PIK3R4: variants seen among roughly 807,000 people sequenced by gnomAD.
The protein encoded by PIK3R4 is phosphoinositide 3-kinase regulatory subunit 4.
A neutral mutation model predicts 136.5 loss-of-function variants in PIK3R4; 46 were observed. The observed-to-expected ratio is 0.34, with a 90% CI of 0.27 to 0.43. PIK3R4 has a LOEUF of 0.43. Ranked by LOEUF, PIK3R4 falls within the 20% of genes least tolerant of loss-of-function variation. The pLI, the probability that PIK3R4 is intolerant of heterozygous loss-of-function variation, is 1.00. For synonymous variants in PIK3R4, 557 were observed against 566.7 expected, an observed-to-expected ratio of 0.98 and a Z score of 0.24; for missense variants, 1,331 against 1,649.5, an observed-to-expected ratio of 0.81 and a Z score of 3.35.
At chr3:130,700,916 A>T (rs1559822749) in intron 13 of PIK3R4, among the ~76,000 whole-genome samples, 1 of 152,226 alleles carries the variant, frequency 6.6e-6, no homozygotes, top group African/African-American at 2.4e-5. Flanking sequence ...GCAAAGCAAA[A>T]GAGTAACTGC....
chr3:130,720,721 G>C (rs965361142), intron 7 of PIK3R4, among the ~76,000 whole-genome samples: 40 of 152,190 alleles, frequency 2.6e-4, no homozygotes, highest in African/African-American at 9.2e-4. Flanking sequence ...CCATTACAAA[G>C]GAATCCAGGT....
At chr3:130,699,776 T>C (rs982781522) in intron 13 of PIK3R4, among the ~76,000 whole-genome samples, 3 of 152,240 alleles carry the variant, frequency 2.0e-5, no homozygotes, top group Non-Finnish European at 2.9e-5. Context: ...ATGTTTTTCA[T>C]TGATAACTGC....
At position 130,679,445 on chromosome 3, in the gene PIK3R4, G is replaced by C. The variant is rs758193124; in HGVS notation, c.3947C>G (p.Thr1316Ser). 2 of 1,612,732 alleles carry C rather than the reference G, an allele frequency of 1.2e-6. No individual in the cohort carries two copies. Among genetic ancestry groups the C allele is most frequent in the Non-Finnish European group, 1.7e-6 (2 of 1,179,014 alleles). ...CAGGGACTCTGGGCCCCTTCGAGGG[G>C]TGTCATCACTTGGTCCTACTTTCTG... ...NKQKVGPSDD[T>S]PRRGPESLPV... Residue 1316 changes from threonine (T) to serine (S), a missense_variant, in exon 20 of 20, where the codon ACC (threonine) becomes AGC (serine). This residue lies in a region of PIK3R4 where 1,180 missense variants were observed against 1,407.0 expected (regional missense o/e 0.84). Transcript: ENST00000356763.
intron 2 of PIK3R4, 65 bp downstream of exon 2, chr3:130,744,421 C>T (rs1373305232): frequency 2.7e-6 from 4 of 1,501,626 alleles, no homozygotes; most frequent in Non-Finnish European, 3.6e-6. Flanking sequence ...AAAAAAGCCA[C>T]ATTTCTGTTT....
At chr3:130,730,499 T>G (rs760230079) in intron 4 of PIK3R4, 57 bp from the exon 5 acceptor site, 21 of 1,283,010 alleles carry the variant, frequency 1.6e-5, no homozygotes, top group Admixed American at 2.6e-5. Context: ...CTGTAAAGCT[T>G]ATTAACTTTT....
rs142661659 is a variant in PIK3R4 at position 130,711,291 on chromosome 3, G to T, written c.2332-2799C>A. On this transcript the variant is annotated intron_variant, in intron 9 of 19. Transcript: ENST00000356763. ...GAAAACAGGCAGACAGGGCTACAATGCCTAAAATATTTAAAACTGAGTCCT... is the reference window on the plus strand; with the variant it reads ...GAAAACAGGCAGACAGGGCTACAATTCCTAAAATATTTAAAACTGAGTCCT... 9.3e-4 allele frequency among the ~76,000 whole-genome samples: 142 copies of T among 152,172 alleles called. No individual in the cohort carries two copies. In the East Asian group the frequency reaches 0.015, roughly 16 times the overall value.
intron 9 of PIK3R4, among the ~76,000 whole-genome samples, chr3:130,708,870 C>G (rs2066619614): frequency 1.3e-5 from 2 of 152,024 alleles, no homozygotes; most frequent in South Asian, 4.1e-4. Context: ...TCTGAATGTA[C>G]AATATTAAGC....
chr3:130,737,773 G>A (rs1275542048), intron 2 of PIK3R4, among the ~76,000 whole-genome samples: 7 of 152,138 alleles, frequency 4.6e-5, no homozygotes, highest in Non-Finnish European at 1.0e-4. Flanking sequence ...CTACATTTGG[G>A]CAAACACATC....
intron 16 of PIK3R4, among the ~76,000 whole-genome samples, chr3:130,682,624 C>A (rs1365046992): frequency 1.3e-5 from 2 of 152,140 alleles, no homozygotes; most frequent in African/African-American, 2.4e-5. Context: ...TCAAGGTGGC[C>A]TTCTCTACTC....
At chr3:130,701,702 G>A (rs1167094187) in intron 13 of PIK3R4, among the ~76,000 whole-genome samples, 1 of 152,202 alleles carries the variant, frequency 6.6e-6, no homozygotes, top group Non-Finnish European at 1.5e-5. Context: ...GTTCATTTAA[G>A]ATCTGTGTAC....
At chr3:130,680,572 T>G (rs773410960) in intron 19 of PIK3R4, 41 bp downstream of exon 19, 48 of 1,080,922 alleles carry the variant, frequency 4.4e-5, no homozygotes, top group Non-Finnish European at 4.6e-5. Flanking sequence ...AAGCCATGTT[T>G]GTGCTTACAA....
At chr3:130,741,252 T>C (rs2066821845) in intron 2 of PIK3R4, among the ~76,000 whole-genome samples, 1 of 152,150 alleles carries the variant, frequency 6.6e-6, no homozygotes, top group African/African-American at 2.4e-5. Context: ...GGACACCATG[T>C]ATGCTCATTC....
At chr3:130,718,318 A>T in intron 8 of PIK3R4, 71 bp downstream of exon 8, 1 of 1,267,982 alleles carries the variant, frequency 7.9e-7, no homozygotes, top group Non-Finnish European at 1.1e-6. Context: ...GAAAAATAGG[A>T]CTCTCTAAAC....
chr3:130,724,895 G>C (rs980139445), intron 6 of PIK3R4, among the ~76,000 whole-genome samples: 1 of 151,960 alleles, frequency 6.6e-6, no homozygotes, highest in Non-Finnish European at 1.5e-5. Flanking sequence ...ATTATTTAGA[G>C]ATATGGTAAT....
At chr3:130,683,651 A>G (rs78693657) in intron 16 of PIK3R4, among the ~76,000 whole-genome samples, 3,016 of 152,288 alleles carry the variant, frequency 0.02, 99 homozygotes, top group African/African-American at 0.068. Flanking sequence ...TAGAGGCAAG[A>G]GGGCTGAGGG....
At chr3:130,711,898 A>C (rs2066634300) in intron 9 of PIK3R4, among the ~76,000 whole-genome samples, 1 of 152,226 alleles carries the variant, frequency 6.6e-6, no homozygotes, top group Non-Finnish European at 1.5e-5. Context: ...TTGAATTTTA[A>C]ACCTGTATTT....
intron 13 of PIK3R4, among the ~76,000 whole-genome samples, chr3:130,699,867 T>C (rs926269404): frequency 6.6e-6 from 1 of 152,194 alleles, no homozygotes; most frequent in Non-Finnish European, 1.5e-5. Context: ...AAATCTGAGT[T>C]GATTCTTAGT....
intron 3 of PIK3R4, 120 bp from the exon 4 acceptor site, chr3:130,734,250 T>C (rs958570780): frequency 1.3e-6 from 1 of 746,224 alleles, no homozygotes; most frequent in African/African-American, 1.8e-5. Context: ...GACTGCTAAG[T>C]GATTTGTGAC....
At chr3:130,723,069 A>G (rs1203488295) in intron 7 of PIK3R4, among the ~76,000 whole-genome samples, 2 of 76,776 alleles carry the variant, frequency 2.6e-5, no homozygotes, top group African/African-American at 1.2e-4. Context: ...TCGCAAAAAA[A>G]AAAAAAAAAA....
Sources: gnomAD v4.1 joint callset for allele counts (sites outside exome capture counted in the v4.1 genomes callset) on GRCh38, gnomAD v4.1.1 for gene constraint, gnomAD v4.1.1 regional missense constraint, MANE v1.5 for transcripts, NCBI Gene and HGNC (gene_info 2026-07-23, HGNC 2026-07-21) for gene names.